PARD3: variants seen among roughly 807,000 people sequenced by gnomAD.
PARD3 encodes par-3 family cell polarity regulator.
In PARD3, 75 loss-of-function variants were observed where a neutral mutation model predicts 155.4. The observed-to-expected ratio is 0.48, with a 90% CI of 0.40 to 0.58. The LOEUF is 0.58. Among genes scored for constraint, PARD3 ranks in the 20% least tolerant of loss-of-function variants. The pLI, the probability that PARD3 is intolerant of heterozygous loss-of-function variation, is 0.00. For missense variants in PARD3, 1,642 were observed against 1,721.7 expected (o/e 0.95, Z 0.82); for synonymous variants, 576 against 610.5 (o/e 0.94, Z 0.83).
At chr10:34,352,495 G>A (rs1182322633) in intron 14 of PARD3, among the ~76,000 whole-genome samples, 1 of 152,178 alleles carries the variant, frequency 6.6e-6, no homozygotes, top group African/African-American at 2.4e-5. Context: ...GCAGGCACGC[G>A]CCGCCACGCC....
At chr10:34,226,843 A>G (rs761503745) in intron 22 of PARD3, among the ~76,000 whole-genome samples, 1 of 152,222 alleles carries the variant, frequency 6.6e-6, no homozygotes, top group Non-Finnish European at 1.5e-5. Flanking sequence ...AAAAAGTAGT[A>G]TATCTTATAA....
At chr10:34,691,098 C>T (rs1285595889) in intron 2 of PARD3, among the ~76,000 whole-genome samples, 4 of 152,086 alleles carry the variant, frequency 2.6e-5, no homozygotes, top group African/African-American at 9.7e-5. Flanking sequence ...TGCCTATAGT[C>T]CCAACTACTC....
At chr10:34,752,139 T>C (rs368877005) in intron 1 of PARD3, among the ~76,000 whole-genome samples, 1 of 150,666 alleles carries the variant, frequency 6.6e-6, no homozygotes, top group African/African-American at 2.4e-5. Flanking sequence ...TGTGGGGGGG[T>C]TTTCTGTGGG....
intron 2 of PARD3, among the ~76,000 whole-genome samples, chr10:34,554,131 A>C (rs1015681738): frequency 6.6e-6 from 1 of 152,260 alleles, no homozygotes; most frequent in African/African-American, 2.4e-5. Context: ...GGAGGAAATA[A>C]TTCCACATTA....
intron 1 of PARD3, among the ~76,000 whole-genome samples, chr10:34,799,293 C>T (rs868285527): frequency 1.3e-5 from 2 of 152,126 alleles, no homozygotes; most frequent in African/African-American, 2.4e-5. Context: ...CCACCCGCCT[C>T]GGCCTCCCAA....
intron 1 of PARD3, among the ~76,000 whole-genome samples, chr10:34,713,218 A>AAATT (rs71033339): frequency 0.27 from 41,286 of 151,086 alleles, 6,927 homozygotes; most frequent in Non-Finnish European, 0.38. Flanking sequence ...TCTCAAAAAT[A>AAATT]AATTAATTAA....
chr10:34,303,068 T>TA (rs1564564311), intron 20 of PARD3, among the ~76,000 whole-genome samples: 10 of 47,438 alleles, frequency 2.1e-4, no homozygotes, highest in African/African-American at 9.1e-4. Flanking sequence ...AAACCAAGTT[T>TA]TAAAAAAAAA....
intron 22 of PARD3, among the ~76,000 whole-genome samples, chr10:34,240,803 C>A: frequency 6.6e-6 from 1 of 152,022 alleles, no homozygotes; most frequent in East Asian, 1.9e-4. Flanking sequence ...CAGTCCCTCC[C>A]ACCAAGCAGA....
chr10:34,216,541 G>A (rs1375093985), intron 22 of PARD3, among the ~76,000 whole-genome samples: 3 of 152,156 alleles, frequency 2.0e-5, no homozygotes, highest in African/African-American at 7.2e-5. Context: ...ACAGGAAACT[G>A]CACTGAACCC....
intron 21 of PARD3, among the ~76,000 whole-genome samples, chr10:34,278,533 T>C (rs1304553207): frequency 3.3e-5 from 5 of 152,126 alleles, no homozygotes; most frequent in South Asian, 4.1e-4. Flanking sequence ...AATTGAATCA[T>C]GGGGGCGGTT....
At chr10:34,408,673 G>A (rs972932162) in intron 5 of PARD3, among the ~76,000 whole-genome samples, 2 of 152,098 alleles carry the variant, frequency 1.3e-5, no homozygotes, top group African/African-American at 2.4e-5. Flanking sequence ...CTGTAGGAGA[G>A]AGGGGCTTCA....
intron 22 of PARD3, among the ~76,000 whole-genome samples, chr10:34,147,910 C>A (rs1205705922): frequency 6.6e-6 from 1 of 152,048 alleles, no homozygotes; most frequent in African/African-American, 2.4e-5. Flanking sequence ...CAGCTTCTAC[C>A]TGAGGACAGA....
At chr10:34,135,372 TTTG>T (rs1237513123) in intron 22 of PARD3, among the ~76,000 whole-genome samples, 1 of 152,162 alleles carries the variant, frequency 6.6e-6, no homozygotes, top group Non-Finnish European at 1.5e-5. Flanking sequence ...GGTTTTGGTT[TTTG>T]TTGTTTTTTC....
intron 22 of PARD3, among the ~76,000 whole-genome samples, chr10:34,206,470 C>T (rs1460061859): frequency 6.6e-6 from 1 of 152,146 alleles, no homozygotes; most frequent in Non-Finnish European, 1.5e-5. Flanking sequence ...AGGCAAGCCC[C>T]AAAACTGGGG....
intron 1 of PARD3, among the ~76,000 whole-genome samples, chr10:34,765,853 A>C (rs778568586): frequency 1.3e-5 from 2 of 152,110 alleles, no homozygotes; most frequent in Non-Finnish European, 2.9e-5. Flanking sequence ...TCATTTATTA[A>C]CTCATGTGAT....
Position 34,648,353 on chromosome 10 carries a change from A to C in PARD3, c.222+47965T>G, listed in dbSNP as rs556340254. On this transcript the variant is annotated intron_variant, in intron 2 of 24. Coordinates refer to ENST00000374788, the MANE Select transcript of PARD3 (RefSeq NM_001184785.2). ...AAAACCAATGCCAAGAGCTGCCGTG[A>C]ATGGCTCATCTTTTCATGCTGGTGT... Among the ~76,000 whole-genome samples, 4 of 152,322 alleles carry C rather than the reference A, an allele frequency of 2.6e-5. No homozygotes were observed. The East Asian group carries it at 5.8e-4, about 22-fold the overall frequency.
rs374061315 is a variant in PARD3, at chr10:34,336,236, G to C, written c.2568C>G (p.Asp856Glu). The C allele has an allele frequency of 3.7e-6, 6 of 1,611,050 alleles. No individual in the cohort carries two copies. In the Admixed American group the frequency reaches 1.0e-4, roughly 27 times the overall value. The change falls in exon 18 of 25, where the codon GAC (aspartate) becomes GAG (glutamate). Residue 856 changes from aspartate to glutamate, a missense_variant. Coordinates refer to ENST00000374788, the MANE Select transcript of PARD3 (RefSeq NM_001184785.2). ...CATCCACTGTATTGAGTTTAGTCTC[G>C]TCAGCTACTGTTAAAAGGTAAATGT... is the stretch of plus-strand genomic sequence containing the variant. ...KSKSMDLGIADETKLNTVDDQ... is the reference protein window; with the variant it reads ...KSKSMDLGIAEETKLNTVDDQ...
chr10:34,287,922 T>C (rs1336913710), intron 20 of PARD3, among the ~76,000 whole-genome samples: 2 of 152,150 alleles, frequency 1.3e-5, no homozygotes, highest in African/African-American at 4.8e-5. Flanking sequence ...TTTAAGAGTA[T>C]AGATTTGGCC....
chr10:34,596,944 T>C (rs2089321799), intron 2 of PARD3, among the ~76,000 whole-genome samples: 1 of 152,208 alleles, frequency 6.6e-6, no homozygotes. Flanking sequence ...AGCTGTAGAC[T>C]TAAATATAGC....
Sources: gnomAD v4.1 joint callset for allele counts (sites outside exome capture counted in the v4.1 genomes callset) on GRCh38, gnomAD v4.1.1 for gene constraint, MANE v1.5 for transcripts, NCBI Gene and HGNC (gene_info 2026-07-23, HGNC 2026-07-21) for gene names.